Variants in SNTG1 observed in about 807,000 individuals in gnomAD.
The protein encoded by SNTG1 is gamma-1-syntrophin.
Under a neutral mutation model 74.7 loss-of-function variants are expected in SNTG1, and 39 were observed. The observed-to-expected ratio is 0.52, with a 90% CI of 0.40 to 0.68. The LOEUF (loss-of-function observed/expected upper bound fraction) is 0.68. SNTG1 is among the 30% of genes least tolerant of loss of function. The pLI is 0.00. For missense variants in SNTG1, 685 were observed against 609.5 expected, an observed-to-expected ratio of 1.12 and a Z score of -1.30; for synonymous variants, 254 against 217.1, an observed-to-expected ratio of 1.17 and a Z score of -1.49.
chr8:50,084,399 G>T (rs980870216), intron 1 of SNTG1, among the ~76,000 whole-genome samples: 3 of 152,158 alleles, frequency 2.0e-5, no homozygotes, highest in Non-Finnish European at 4.4e-5. Flanking sequence ...GGCGGAGGTT[G>T]CAGTGAGCCT....
At chr8:50,099,825 G>A (rs2080058553) in intron 1 of SNTG1, among the ~76,000 whole-genome samples, 1 of 151,980 alleles carries the variant, frequency 6.6e-6, no homozygotes, top group African/African-American at 2.4e-5. Flanking sequence ...ATTTTTAATT[G>A]AATTATTTGC....
chr8:50,269,904 G>A (rs961621470), intron 2 of SNTG1, among the ~76,000 whole-genome samples: 3 of 152,118 alleles, frequency 2.0e-5, no homozygotes, highest in African/African-American at 7.2e-5. Flanking sequence ...TTTTGGAAAA[G>A]TTCATGGAAC....
chr8:50,165,340 T>C (rs1427269995), intron 1 of SNTG1, among the ~76,000 whole-genome samples: 3 of 152,212 alleles, frequency 2.0e-5, no homozygotes, highest in Non-Finnish European at 4.4e-5. Context: ...GATGAGGCTT[T>C]AGCAAACTGA....
intron 1 of SNTG1, among the ~76,000 whole-genome samples, chr8:49,982,706 AT>A (rs1184633260): frequency 6.6e-6 from 1 of 151,430 alleles, no homozygotes; most frequent in Non-Finnish European, 1.5e-5. Flanking sequence ...CTTAACTTGC[AT>A]TTATCTTTAC....
intron 2 of SNTG1, among the ~76,000 whole-genome samples, chr8:50,331,060 T>A (rs1000849570): frequency 2.0e-5 from 3 of 152,216 alleles, no homozygotes; most frequent in Non-Finnish European, 2.9e-5. Context: ...AATGTGTTTC[T>A]ATATTTTTTA....
intron 2 of SNTG1, among the ~76,000 whole-genome samples, chr8:50,176,668 CT>C (rs2083010920): frequency 1.3e-5 from 2 of 152,132 alleles, no homozygotes; most frequent in African/African-American, 4.8e-5. Flanking sequence ...GTAGTTTCTC[CT>C]TGTGATCTCA....
At chr8:50,488,974 G>C (rs974559004) in intron 8 of SNTG1, among the ~76,000 whole-genome samples, 1 of 151,816 alleles carries the variant, frequency 6.6e-6, no homozygotes, top group African/African-American at 2.4e-5. Flanking sequence ...TCCCCTCCCT[G>C]TGTCCCTGTG....
At chr8:50,305,093 G>A (rs1486204411) in intron 2 of SNTG1, among the ~76,000 whole-genome samples, 1 of 151,726 alleles carries the variant, frequency 6.6e-6, no homozygotes, top group East Asian at 1.9e-4. Flanking sequence ...TGGAGATGGG[G>A]TTTCACCATG....
chr8:50,548,703 A>T (rs2094405151), intron 11 of SNTG1, among the ~76,000 whole-genome samples: 1 of 152,162 alleles, frequency 6.6e-6, no homozygotes, highest in Non-Finnish European at 1.5e-5. Context: ...TAAAGGAATC[A>T]GGAAGTCGAG....
At chr8:50,297,658 C>T (rs548327997) in intron 2 of SNTG1, among the ~76,000 whole-genome samples, 1 of 152,118 alleles carries the variant, frequency 6.6e-6, no homozygotes, top group African/African-American at 2.4e-5. Flanking sequence ...GTGTTCACAT[C>T]CTGGGCAGAA....
chr8:50,364,524 T>G (rs564671484), intron 2 of SNTG1, among the ~76,000 whole-genome samples: 1 of 152,262 alleles, frequency 6.6e-6, no homozygotes, highest in African/African-American at 2.4e-5. Flanking sequence ...CAACTTTAGT[T>G]TATGTGTTTT....
chr8:50,503,620 C>G (rs2093982362), intron 9 of SNTG1, among the ~76,000 whole-genome samples: 2 of 152,124 alleles, frequency 1.3e-5, no homozygotes, highest in Non-Finnish European at 2.9e-5. Context: ...TGGAATTATA[C>G]TTAATTTTTT....
rs181691620 is a variant in SNTG1 at position 50,788,993 on chromosome 8, T to C, written c.1396-3678T>C. ...TTTCATGCCAGCAATTCTACAAATATATACTAATTTCATAAACCTTGGAAA... is the reference window on the plus strand; with the variant it reads ...TTTCATGCCAGCAATTCTACAAATACATACTAATTTCATAAACCTTGGAAA... On this transcript the variant is annotated intron_variant, in intron 18 of 18. Transcript: ENST00000642720. 2.0e-5 allele frequency among the ~76,000 whole-genome samples: 3 copies of C among 152,142 alleles called. No homozygotes were observed. The East Asian group carries it at 5.8e-4, about 29-fold the overall frequency.
intron 1 of SNTG1, among the ~76,000 whole-genome samples, chr8:49,980,515 C>T (rs1812575861): frequency 1.0e-5 from 1 of 96,188 alleles, no homozygotes; most frequent in Admixed American, 1.4e-4. Flanking sequence ...CCTGTAGACT[C>T]CTTCGCAAAA....
chr8:50,226,460 G>T (rs565651736), intron 2 of SNTG1, among the ~76,000 whole-genome samples: 49 of 152,130 alleles, frequency 3.2e-4, no homozygotes, highest in Non-Finnish European at 3.8e-4. Flanking sequence ...TTAACTAAAA[G>T]TCTAGAAACT....
At position 50,327,911 on chromosome 8, in the gene SNTG1, C is replaced by T. The variant is rs143203843; in HGVS notation, c.-27-66301C>T. ...AAAGCAACTTCAAATAACTACTTCT[C>T]TTCACAGATAGTTCAAATACCTTCT... On this transcript the variant is annotated intron_variant, in intron 2 of 18. Transcript: ENST00000642720. 2.6e-5 allele frequency among the ~76,000 whole-genome samples: 4 copies of T among 152,260 alleles called. No individual in the cohort carries two copies. The East Asian group carries it at 7.7e-4, about 29-fold the overall frequency.
chr8:50,661,287 T>A (rs1272266292), intron 15 of SNTG1, among the ~76,000 whole-genome samples: 1 of 152,218 alleles, frequency 6.6e-6, no homozygotes, highest in Non-Finnish European at 1.5e-5. Flanking sequence ...TTGCTCAGAC[T>A]TTTATGCAAA....
chr8:50,333,576 A>T (rs1240774167), intron 2 of SNTG1, among the ~76,000 whole-genome samples: 3 of 152,240 alleles, frequency 2.0e-5, no homozygotes, highest in Admixed American at 2.0e-4. Context: ...TGCTGGAAAC[A>T]GCATTACCTA....
intron 11 of SNTG1, among the ~76,000 whole-genome samples, chr8:50,549,344 T>A (rs1438346952): frequency 6.6e-6 from 1 of 152,118 alleles, no homozygotes; most frequent in Non-Finnish European, 1.5e-5. Context: ...AAGGGGCCTC[T>A]TCTTATTTCT....
Sources: gnomAD v4.1 joint callset for allele counts (sites outside exome capture counted in the v4.1 genomes callset) on GRCh38, gnomAD v4.1.1 for gene constraint, MANE v1.5 for transcripts, NCBI Gene and HGNC (gene_info 2026-07-23, HGNC 2026-07-21) for gene names.